RNF212: variants seen among roughly 807,000 people sequenced by gnomAD.
RNF212 encodes the protein probable E3 SUMO-protein ligase RNF212.
In RNF212, 33 loss-of-function variants were observed where a neutral mutation model predicts 34.7. The ratio of observed to expected loss-of-function variants is 0.95; its 90% confidence interval spans 0.72 to 1.27. The LOEUF is 1.27. RNF212 is among the 50% of genes most tolerant of loss of function. RNF212 has a pLI of 0.00. For missense variants in RNF212, 377 were observed against 362.2 expected (o/e 1.04, Z -0.33); for synonymous variants, 140 against 136.1 (o/e 1.03, Z -0.20).
intron 5 of RNF212, among the ~76,000 whole-genome samples, chr4:1,083,472 G>A (rs534273210): frequency 2.8e-4 from 42 of 152,156 alleles, no homozygotes; most frequent in Admixed American, 4.6e-4. Context: ...GTGAAGCCCC[G>A]TCTCTACTAA....
At chr4:1,099,090 G>A (rs1196130757) in intron 2 of RNF212, among the ~76,000 whole-genome samples, 2 of 152,142 alleles carry the variant, frequency 1.3e-5, no homozygotes, top group South Asian at 2.1e-4. Context: ...TCACAGCACA[G>A]ATGCACAGAC....
rs568133140 is a variant in RNF212 at position 1,100,949 on chromosome 4, G to C, written c.172-4110C>G. On this transcript the variant is annotated intron_variant, in intron 2 of 9. Coordinates refer to ENST00000433731, the MANE Select transcript of RNF212 (RefSeq NM_001131034.4). ...CAGATGTGTTATAGCTGTTCAGATG[G>C]AATTCTGCGGCTGAAATCACCTGTT... 17 of 176,056 alleles carry C rather than the reference G, an allele frequency of 9.7e-5. No individual in the cohort carries two copies. In the East Asian group the frequency reaches 2.4e-3, roughly 25 times the overall value. 10.9% of individuals were successfully genotyped at this position (176,056 alleles called of 1,614,324 possible).
chr4:1,113,342 C>T lies in RNF212; in HGVS notation c.109+14G>A, dbSNP rs370216464. The T allele has an allele frequency of 4.5e-6, 6 of 1,342,290 alleles. No individual in the cohort carries two copies. The African/African-American group carries it at 5.4e-5, about 12-fold the overall frequency. The allele number at this position is 1,342,290 out of a possible 1,614,324, so 83.1% of individuals were successfully genotyped here. On this transcript the variant is annotated intron_variant, in intron 1 of 9. Coordinates refer to ENST00000433731, the MANE Select transcript of RNF212 (RefSeq NM_001131034.4). ...TCCCCTCCCCTCTCCAGCCTGCGTT[C>T]GGGAAGCCCTGACCTTTGCCGAGGC... is the stretch of plus-strand genomic sequence containing the variant.
chr4:1,089,290 T>A (rs969073620), intron 4 of RNF212, among the ~76,000 whole-genome samples: 4 of 152,212 alleles, frequency 2.6e-5, no homozygotes, highest in African/African-American at 9.6e-5. Flanking sequence ...GGTAAAAGGA[T>A]AAATTTAAGA....
intron 1 of RNF212, among the ~76,000 whole-genome samples, chr4:1,111,074 G>C (rs1048703087): frequency 6.6e-6 from 1 of 152,128 alleles, no homozygotes; most frequent in Non-Finnish European, 1.5e-5. Flanking sequence ...TCCTAACAAT[G>C]TTATCTTCGG....
At chr4:1,113,706 A>G (rs1726198857), upstream of RNF212, 7 of 410,438 alleles carry the variant, frequency 1.7e-5, no homozygotes, top group Non-Finnish European at 4.3e-6. Flanking sequence ...AGGCGGAGGA[A>G]CGCACCGCGA....
intron 4 of RNF212, among the ~76,000 whole-genome samples, chr4:1,058,002 G>A (rs558018836): frequency 3.3e-5 from 5 of 152,038 alleles, no homozygotes; most frequent in East Asian, 3.9e-4. Context: ...CGGAGGTTGC[G>A]GTGAGCCAAG....
chr4:1,093,633 C>T, intron 3 of RNF212: 1 of 1,535,886 alleles, frequency 6.5e-7, no homozygotes, highest in East Asian at 2.4e-5. Flanking sequence ...GTCTTCTCTC[C>T]TGAGACAGCA....
chr4:1,059,345 C>T (rs991781720), intron 3 of RNF212, among the ~76,000 whole-genome samples: 1 of 152,244 alleles, frequency 6.6e-6, no homozygotes, highest in African/African-American at 2.4e-5. Context: ...AGAAGGAAAG[C>T]TGTCTTACTA....
intron 3 of RNF212, among the ~76,000 whole-genome samples, chr4:1,064,466 T>C (rs1471203279): frequency 2.0e-5 from 3 of 152,166 alleles, no homozygotes; most frequent in Non-Finnish European, 1.5e-5. Flanking sequence ...CTGGGTGGCT[T>C]ACACAACAGA....
chr4:1,081,698 G>A lies in RNF212; in HGVS notation c.363-79C>T. ...CAGGTCATCCCAACTGAAAGTGTAA[G>A]AAGGCTCTGAATCAGTGAAATGTTC... On this transcript the variant is annotated intron_variant, in intron 5 of 9. Coordinates refer to ENST00000433731, the MANE Select transcript of RNF212 (RefSeq NM_001131034.4). 5.1e-6 allele frequency: 5 copies of A among 978,398 alleles called. No individual in the cohort carries two copies. In the South Asian group the frequency reaches 6.8e-5, roughly 13 times the overall value. 60.6% of individuals were successfully genotyped at this position (978,398 alleles called of 1,614,324 possible). A position where few individuals can be genotyped will look rare whatever the true frequency, so the allele number is the denominator to read the frequency against.
intron 2 of RNF212, chr4:1,099,688 G>A (rs918139452): frequency 2.2e-6 from 1 of 456,082 alleles, no homozygotes; most frequent in African/African-American, 2.0e-5. Flanking sequence ...CAATGGTACA[G>A]TAACGAGGAT....
rs1191386875 is a variant in RNF212, at chr4:1,090,830, T to C, written c.255A>G (p.Glu85=). The C allele has an allele frequency of 2.5e-6, 4 of 1,588,674 alleles. No individual in the cohort carries two copies. The highest frequency in any genetic ancestry group is 1.3e-5 in the African/African-American group (1 of 74,360). The change falls in exon 4 of 10, where the codon GAA becomes GAG. Residue 85 remains glutamate, a synonymous_variant. Coordinates refer to ENST00000433731, the MANE Select transcript of RNF212 (RefSeq NM_001131034.4). ...ATCTCTTCCTGTGTTTTTCTTGAAA[T>C]TCTAAAATCTGAAAAGATCATAGGT... The part of the protein sequence containing the change: ...KYSRETSQIL[E]FQEKHRKRLL...
chr4:1,076,040 A>G (rs1719241817), intron 8 of RNF212, among the ~76,000 whole-genome samples: 3 of 152,212 alleles, frequency 2.0e-5, no homozygotes, highest in African/African-American at 7.2e-5. Context: ...TCAAAAAGAT[A>G]TGTTAATCCT....
At chr4:1,081,809 G>A (rs1720400725) in intron 5 of RNF212, 190 bp from the exon 6 acceptor site, 1 of 580,346 alleles carries the variant, frequency 1.7e-6, no homozygotes, top group Non-Finnish European at 3.1e-6. Flanking sequence ...CCTCCCTAGC[G>A]CTGAAGCCAA....
chr4:1,082,000 C>G (rs903645375), intron 5 of RNF212: 7 of 267,330 alleles, frequency 2.6e-5, no homozygotes, highest in Admixed American at 5.0e-5. Flanking sequence ...TCCATCATCC[C>G]AACACTTTGG....
intron 3 of RNF212, among the ~76,000 whole-genome samples, chr4:1,095,070 AC>A (rs1722830634): frequency 1.3e-5 from 2 of 151,340 alleles, no homozygotes; most frequent in Admixed American, 1.3e-4. Flanking sequence ...AGGATAGCGC[AC>A]CTGGCTCATC....
intron 2 of RNF212, among the ~76,000 whole-genome samples, chr4:1,102,421 G>T (rs1004809130): frequency 2.6e-5 from 4 of 152,066 alleles, no homozygotes; most frequent in African/African-American, 7.2e-5. Flanking sequence ...CTGTATTTTT[G>T]ATCTGCATCT....
Position 1,096,789 on chromosome 4 carries a change from C to T in RNF212, c.222G>A (p.Lys74=), listed in dbSNP as rs1389198983. ...AFFMSIDSLC[K]KYSRETSQIL... ...CCTGGGAGGTTTCCCTGGAGTACTT[C>T]TTACACAGACTGTCTATGCTCATGA... is the stretch of plus-strand genomic sequence containing the variant. Residue 74 remains lysine (K), a synonymous_variant, in exon 3 of 10, where the codon AAG becomes AAA. Transcript: ENST00000433731. 3.1e-6 allele frequency: 5 copies of T among 1,613,832 alleles called. No individual in the cohort carries two copies. The highest frequency in any genetic ancestry group is 2.5e-6 in the Non-Finnish European group (3 of 1,179,780).
Sources: allele counts gnomAD v4.1 joint callset (sites outside exome capture counted in the v4.1 genomes callset), GRCh38; gene constraint gnomAD v4.1.1; transcripts MANE v1.5; gene names NCBI Gene and HGNC (gene_info 2026-07-23, HGNC 2026-07-21).